Variants in OPCML observed in about 807,000 individuals in gnomAD.
OPCML encodes opioid binding protein/cell adhesion molecule like.
In OPCML, 13 loss-of-function variants were observed where a neutral mutation model predicts 37.8. That is an observed-to-expected ratio of 0.34 (90% CI 0.22 to 0.55). The LOEUF (loss-of-function observed/expected upper bound fraction) is 0.55. OPCML is among the 20% of genes least tolerant of loss of function. The pLI is 0.91. For synonymous variants in OPCML, 176 were observed against 168.8 expected, an observed-to-expected ratio of 1.04 and a Z score of -0.33; for missense variants, 341 against 435.6, an observed-to-expected ratio of 0.78 and a Z score of 1.93.
intron 1 of OPCML, among the ~76,000 whole-genome samples, chr11:133,108,690 G>T (rs1949201214): frequency 1.3e-5 from 2 of 151,910 alleles, no homozygotes; most frequent in South Asian, 2.1e-4. Flanking sequence ...TCTGTTCATT[G>T]TCTGCAAGTA....
chr11:132,788,994 T>A (rs919718426), intron 2 of OPCML, among the ~76,000 whole-genome samples: 2 of 152,182 alleles, frequency 1.3e-5, no homozygotes, highest in Non-Finnish European at 2.9e-5. Flanking sequence ...GCTTCAGACT[T>A]TCTTTCCTTT....
chr11:133,132,281 C>A (rs1331453767), intron 1 of OPCML, among the ~76,000 whole-genome samples: 1 of 152,148 alleles, frequency 6.6e-6, no homozygotes, highest in Non-Finnish European at 1.5e-5. Flanking sequence ...TGAACAGATG[C>A]CTGACATCGT....
chr11:133,068,176 C>A (rs1348986859), intron 1 of OPCML: 1 of 152,184 alleles, frequency 6.6e-6, no homozygotes. Context: ...GTATCACAGC[C>A]TAGCTTATTT....
chr11:132,422,277 G>A, intron 7 of OPCML, among the ~76,000 whole-genome samples: 1 of 152,092 alleles, frequency 6.6e-6, no homozygotes, highest in Non-Finnish European at 1.5e-5. Context: ...TGGATACCAT[G>A]CCATCGGCCC....
intron 1 of OPCML, among the ~76,000 whole-genome samples, chr11:133,514,085 C>T (rs140646496): frequency 1.1e-4 from 16 of 152,244 alleles, no homozygotes; most frequent in Non-Finnish European, 1.6e-4. Flanking sequence ...AGGCTGGTCA[C>T]GAAACGAAAA....
At chr11:133,466,324 A>T (rs1946976394) in intron 1 of OPCML, among the ~76,000 whole-genome samples, 1 of 152,220 alleles carries the variant, frequency 6.6e-6, no homozygotes, top group African/African-American at 2.4e-5. Flanking sequence ...TCAAAAGATT[A>T]CTCTGGATCA....
intron 1 of OPCML, among the ~76,000 whole-genome samples, chr11:132,999,575 G>GGC: frequency 6.7e-6 from 1 of 150,346 alleles, no homozygotes; most frequent in African/African-American, 2.5e-5. Context: ...GGGTCGGGGG[G>GGC]GGAATGCCAC....
intron 1 of OPCML, among the ~76,000 whole-genome samples, chr11:132,951,075 C>T (rs1025810656): frequency 3.9e-5 from 6 of 152,104 alleles, no homozygotes; most frequent in African/African-American, 9.7e-5. Context: ...GGCAGTCGGG[C>T]GTCAGTCCAA....
At chr11:133,008,293 G>C (rs556485381) in intron 1 of OPCML, 1 of 985,212 alleles carries the variant, frequency 1.0e-6, no homozygotes, top group East Asian at 1.1e-4. Flanking sequence ...ATCAATTGTG[G>C]TGCATAACTA....
At chr11:132,934,328 G>A (rs1194846695) in intron 2 of OPCML, among the ~76,000 whole-genome samples, 2 of 152,104 alleles carry the variant, frequency 1.3e-5, no homozygotes, top group Non-Finnish European at 2.9e-5. Flanking sequence ...AGCAATACAG[G>A]GACTAAGACC....
chr11:132,823,201 AT>A (rs1940095035), intron 2 of OPCML, among the ~76,000 whole-genome samples: 1 of 151,774 alleles, frequency 6.6e-6, no homozygotes, highest in African/African-American at 2.4e-5. Context: ...TCCCTGTTCC[AT>A]TTTTTTCTCC....
chr11:133,422,300 G>A, intron 1 of OPCML: 1 of 983,788 alleles, frequency 1.0e-6, no homozygotes, highest in Non-Finnish European at 1.2e-6. Flanking sequence ...AAGATATGGG[G>A]CAAGAATTCC....
chr11:132,784,177 A>C (rs1947126579), intron 2 of OPCML, among the ~76,000 whole-genome samples: 1 of 152,184 alleles, frequency 6.6e-6, no homozygotes, highest in Non-Finnish European at 1.5e-5. Flanking sequence ...GCTATAATTC[A>C]AACTTGTAGG....
At chr11:133,422,774 T>C (rs1349679836) in intron 1 of OPCML, 2 of 901,768 alleles carry the variant, frequency 2.2e-6, no homozygotes, top group African/African-American at 3.6e-5. Context: ...AATAAAGTAT[T>C]TATGATTTTT....
intron 1 of OPCML, among the ~76,000 whole-genome samples, chr11:133,034,946 T>A (rs535946441): frequency 2.6e-5 from 4 of 152,062 alleles, no homozygotes; most frequent in Non-Finnish European, 5.9e-5. Context: ...CATGATGCAA[T>A]GGGAGCTCTT....
intron 1 of OPCML, among the ~76,000 whole-genome samples, chr11:133,486,148 G>A (rs75974124): frequency 0.029 from 4,370 of 152,218 alleles, 200 homozygotes; most frequent in African/African-American, 0.099. Context: ...AGAACCAGAA[G>A]CTTGCAGGAA....
intron 1 of OPCML, among the ~76,000 whole-genome samples, chr11:133,426,136 T>C (rs77209180): frequency 5.1e-4 from 78 of 152,230 alleles, no homozygotes; most frequent in African/African-American, 1.8e-3. Flanking sequence ...TGCTTACTTC[T>C]TGCTCCACTC....
chr11:132,618,077 C>CTAGGT (rs1338450061), intron 3 of OPCML, among the ~76,000 whole-genome samples: 1 of 152,118 alleles, frequency 6.6e-6, no homozygotes, highest in African/African-American at 2.4e-5. Context: ...GGGCGAAGAG[C>CTAGGT]TAGGTTATAT....
At chr11:133,530,141 G>C (rs1948574874) in intron 1 of OPCML, among the ~76,000 whole-genome samples, 1 of 152,184 alleles carries the variant, frequency 6.6e-6, no homozygotes, top group Non-Finnish European at 1.5e-5. Flanking sequence ...ACCATGCTCA[G>C]GACGGTCAGG....
Sources: allele counts gnomAD v4.1 joint callset (sites outside exome capture counted in the v4.1 genomes callset), GRCh38; gene constraint gnomAD v4.1.1; transcripts MANE v1.5; gene names NCBI Gene and HGNC (gene_info 2026-07-23, HGNC 2026-07-21).